Variants in OPCML observed in about 807,000 individuals in gnomAD.
The protein encoded by OPCML is opioid-binding protein/cell adhesion molecule.
OPCML carries 13 observed loss-of-function variants against 37.8 expected under a neutral mutation model. That is an observed-to-expected ratio of 0.34 (90% confidence interval 0.22 to 0.55). The LOEUF (loss-of-function observed/expected upper bound fraction) is 0.55, where lower values mean the gene tolerates loss of function less well. OPCML is among the 20% of genes least tolerant of loss of function. The pLI, the probability that OPCML is intolerant of heterozygous loss-of-function variation, is 0.91. For synonymous variants in OPCML, 176 were observed against 168.8 expected, an observed-to-expected ratio of 1.04 and a Z score of -0.33; for missense variants, 341 against 435.6, an observed-to-expected ratio of 0.78 and a Z score of 1.93.
At chr11:132,784,473 T>C (rs554154842) in intron 2 of OPCML, among the ~76,000 whole-genome samples, 3 of 152,074 alleles carry the variant, frequency 2.0e-5, no homozygotes, top group Non-Finnish European at 4.4e-5. Flanking sequence ...TGCCTTTGAG[T>C]CTCTGCCAAA....
intron 3 of OPCML, among the ~76,000 whole-genome samples, chr11:132,646,585 CA>C (rs1941161947): frequency 6.6e-6 from 1 of 152,084 alleles, no homozygotes. Flanking sequence ...TAAGATTCTG[CA>C]CTTTGAAGGT....
chr11:132,629,486 T>C (rs1392864389), intron 3 of OPCML, among the ~76,000 whole-genome samples: 1 of 152,190 alleles, frequency 6.6e-6, no homozygotes, highest in Non-Finnish European at 1.5e-5. Context: ...AGGTTTTATC[T>C]GGATTAATGA....
chr11:133,197,993 C>T (rs1938604588), intron 1 of OPCML, among the ~76,000 whole-genome samples: 1 of 152,156 alleles, frequency 6.6e-6, no homozygotes, highest in Non-Finnish European at 1.5e-5. Flanking sequence ...ACCTATCAAC[C>T]CAGACAGACG....
intron 2 of OPCML, among the ~76,000 whole-genome samples, chr11:132,672,675 C>A (rs1166979178): frequency 6.6e-6 from 1 of 152,138 alleles, no homozygotes; most frequent in Non-Finnish European, 1.5e-5. Context: ...ATTAAGAGAG[C>A]GAGAATTGTT....
chr11:132,554,159 C>T (rs1171984376), intron 3 of OPCML, among the ~76,000 whole-genome samples: 1 of 152,212 alleles, frequency 6.6e-6, no homozygotes, highest in African/African-American at 2.4e-5. Context: ...TCCCCTCTTC[C>T]ACTCTGACAG....
chr11:133,360,305 A>G (rs907214906), intron 1 of OPCML: 9 of 152,198 alleles, frequency 5.9e-5, no homozygotes, highest in African/African-American at 2.2e-4. Flanking sequence ...TAAGAATTCT[A>G]ATTATCCCTA....
At chr11:133,345,516 C>A (rs1414393885) in intron 1 of OPCML, among the ~76,000 whole-genome samples, 5 of 152,204 alleles carry the variant, frequency 3.3e-5, no homozygotes, top group Non-Finnish European at 7.3e-5. Context: ...CTAGCCTAGT[C>A]TTTCATTAAA....
At chr11:133,375,246 G>A (rs1386818750) in intron 1 of OPCML, among the ~76,000 whole-genome samples, 2 of 152,258 alleles carry the variant, frequency 1.3e-5, no homozygotes, top group Non-Finnish European at 1.5e-5. Context: ...TGTCGCGTAT[G>A]TAAGTTTGTA....
chr11:132,777,859 A>T (rs1432512288), intron 2 of OPCML, among the ~76,000 whole-genome samples: 3 of 152,194 alleles, frequency 2.0e-5, no homozygotes, highest in Non-Finnish European at 4.4e-5. Context: ...CAGCTAGCTT[A>T]GTTCTTTCAT....
intron 1 of OPCML, among the ~76,000 whole-genome samples, chr11:133,241,071 A>G (rs1428434006): frequency 6.6e-6 from 1 of 152,222 alleles, no homozygotes; most frequent in Non-Finnish European, 1.5e-5. Context: ...CTCTCGATGA[A>G]TAAAGAGATG....
intron 1 of OPCML, among the ~76,000 whole-genome samples, chr11:133,252,983 T>A (rs992038271): frequency 6.6e-6 from 1 of 152,048 alleles, no homozygotes; most frequent in East Asian, 1.9e-4. Context: ...CCGTCTCTAC[T>A]AAAAATACAA....
At chr11:132,779,362 G>A (rs1199384802) in intron 2 of OPCML, among the ~76,000 whole-genome samples, 2 of 152,230 alleles carry the variant, frequency 1.3e-5, no homozygotes, top group South Asian at 4.2e-4. Context: ...GTCGAGATAA[G>A]GGAATGGCAT....
chr11:133,027,198 C>T (rs938126011), intron 1 of OPCML, among the ~76,000 whole-genome samples: 9 of 152,228 alleles, frequency 5.9e-5, no homozygotes, highest in African/African-American at 2.2e-4. Flanking sequence ...TCCTGAAACC[C>T]TCTCAGCTTC....
intron 1 of OPCML, among the ~76,000 whole-genome samples, chr11:133,332,129 G>C (rs2136650468): frequency 6.6e-6 from 1 of 152,240 alleles, no homozygotes; most frequent in South Asian, 2.1e-4. Context: ...AATTCTCATT[G>C]TAGAGACCTA....
chr11:132,937,665 C>G (rs1945437891), intron 2 of OPCML, among the ~76,000 whole-genome samples: 1 of 149,872 alleles, frequency 6.7e-6, no homozygotes, highest in Admixed American at 6.7e-5. Flanking sequence ...TCCCACCAAT[C>G]AGGGATGTCA....
At chr11:132,466,990 GAAC>G (rs2096122068) in intron 4 of OPCML, among the ~76,000 whole-genome samples, 1 of 151,968 alleles carries the variant, frequency 6.6e-6, no homozygotes, top group Admixed American at 6.5e-5. Context: ...GGTTTCCACA[GAAC>G]AACAAAAAGG....
intron 1 of OPCML, among the ~76,000 whole-genome samples, chr11:133,120,984 G>A (rs1183725121): frequency 1.3e-5 from 2 of 152,174 alleles, no homozygotes; most frequent in Non-Finnish European, 2.9e-5. Context: ...GTACAGTGGT[G>A]TGATCTCAGC....
chr11:133,381,986 G>A (rs540955111), intron 1 of OPCML, among the ~76,000 whole-genome samples: 1 of 152,188 alleles, frequency 6.6e-6, no homozygotes, highest in Non-Finnish European at 1.5e-5. Context: ...TCCTGGGAGG[G>A]AGGCCGGAGC....
chr11:132,580,303 G>A (rs2096459693), intron 3 of OPCML, among the ~76,000 whole-genome samples: 1 of 152,114 alleles, frequency 6.6e-6, no homozygotes, highest in African/African-American at 2.4e-5. Context: ...TGACGAATCT[G>A]TTTAAATGAT....
Sources: gnomAD v4.1 joint callset for allele counts (sites outside exome capture counted in the v4.1 genomes callset) on GRCh38, gnomAD v4.1.1 for gene constraint, MANE v1.5 for transcripts, NCBI Gene and HGNC (gene_info 2026-07-23, HGNC 2026-07-21) for gene names.